Variants in SLC7A6 observed in about 807,000 individuals in gnomAD.
The protein encoded by SLC7A6 is solute carrier family 7 member 6.
SLC7A6 carries 29 observed loss-of-function variants against 46.6 expected under a neutral mutation model. The ratio of observed to expected loss-of-function variants is 0.62; its 90% confidence interval spans 0.46 to 0.85. SLC7A6 has a LOEUF of 0.85. Ranked by LOEUF, SLC7A6 falls within the 40% of genes least tolerant of loss-of-function variation. SLC7A6 has a pLI of 0.00. For synonymous variants in SLC7A6, 276 were observed against 257.3 expected (o/e 1.07, Z -0.70); for missense variants, 527 against 647.6 (o/e 0.81, Z 2.02).
Position 68,296,521 on chromosome 16 carries a change from G to A in SLC7A6, c.1269+8G>A, listed in dbSNP as rs1337418595. The A allele has an allele frequency of 6.2e-7, 1 of 1,614,202 alleles. No homozygotes were observed. The highest frequency in any genetic ancestry group is 8.5e-7 in the Non-Finnish European group (1 of 1,180,040). ...CGGCCCCGGCCTCTCAAGGTCAGCA[G>A]CTCTGGCCAGACTAGGAGGGGTGGG... On this transcript the variant is annotated splice_region_variant and intron_variant, in intron 9 of 10. Coordinates refer to ENST00000219343, the MANE Select transcript of SLC7A6 (RefSeq NM_003983.6).
At chr16:68,294,422 T>A (rs2043120881) in intron 7 of SLC7A6, among the ~76,000 whole-genome samples, 1 of 152,016 alleles carries the variant, frequency 6.6e-6, no homozygotes, top group South Asian at 2.1e-4. Context: ...TGTTGGATGT[T>A]GGTGAGGTAT....
Position 68,287,359 on chromosome 16 carries a change from C to A in SLC7A6, c.524-387C>A, listed in dbSNP as rs1166001324. 8 of 1,292,192 alleles carry A rather than the reference C, an allele frequency of 6.2e-6. No individual in the cohort carries two copies. In the South Asian group the frequency reaches 9.9e-5, roughly 16 times the overall value. The allele number at this position is 1,292,192 out of a possible 1,614,324, so 80.0% of individuals were successfully genotyped here. A position where few individuals can be genotyped will look rare whatever the true frequency, so the allele number is the denominator to read the frequency against. On this transcript the variant is annotated intron_variant, in intron 3 of 10. Coordinates refer to ENST00000219343, the MANE Select transcript of SLC7A6 (RefSeq NM_003983.6). ...TCTGCATTCAAATTTACCTCACTTA[C>A]TGATGAGTTTCTTTTGGCCATGAAG...
At chr16:68,290,932 C>T in intron 5 of SLC7A6, 1 of 497,282 alleles carries the variant, frequency 2.0e-6, no homozygotes, top group Non-Finnish European at 3.6e-6. Context: ...TTGCACTGTT[C>T]CTCTGAGATC....
chr16:68,291,221 G>A lies in SLC7A6; in HGVS notation c.807G>A (p.Leu269=). 1.2e-6 allele frequency: 2 copies of A among 1,614,206 alleles called. No individual in the cohort carries two copies. The highest frequency in any genetic ancestry group is 3.3e-4 in the Middle Eastern group (2 of 6,060). The stretch of plus-strand genomic sequence containing the variant: ...CTTGTCCTGACAGAAATTTGCCCTT[G>A]GCCATTGGGATTTCTATGCCAATTG... ...EIKNPERNLP[L]AIGISMPIVT... The change falls in exon 6 of 11, where the codon TTG becomes TTA. Residue 269 remains leucine (L), a synonymous_variant. Transcript: ENST00000219343.
chr16:68,291,114 T>C (rs922738385), intron 5 of SLC7A6, 95 bp from the exon 6 acceptor site: 37 of 1,528,438 alleles, frequency 2.4e-5, no homozygotes, highest in Non-Finnish European at 3.3e-5. Context: ...GCTAGTGAAC[T>C]GTTAAATGTT....
rs781456783 is a variant in SLC7A6, at chr16:68,294,729, G to C, written c.1047G>C (p.Glu349Asp). Residue 349 changes from glutamate (E) to aspartate (D), a missense_variant, in exon 8 of 11, where the codon GAG becomes GAC. Coordinates refer to ENST00000219343, the MANE Select transcript of SLC7A6 (RefSeq NM_003983.6). ...SSRLFFVGSR[E>D]GHLPDLLSMI... ...GGTTGTTCTTCGTGGGCTCCCGGGAGGGCCACCTACCGGACCTTCTGTCCA... is the reference window on the plus strand; with the variant it reads ...GGTTGTTCTTCGTGGGCTCCCGGGACGGCCACCTACCGGACCTTCTGTCCA... The C allele has an allele frequency of 2.5e-6, 4 of 1,613,886 alleles. No individual in the cohort carries two copies. Among genetic ancestry groups the C allele is most frequent in the Non-Finnish European group, 2.5e-6 (3 of 1,179,814 alleles).
rs990157612 is a variant in SLC7A6 at position 68,298,423 on chromosome 16, G to C, written c.*1095G>C. Reference sequence around the variant, plus strand: ...TGCAGACCCAAGCAATCCCAACCTGGTGCTAGGTCATTTCACTTTTCTGAA... The same window carrying C: ...TGCAGACCCAAGCAATCCCAACCTGCTGCTAGGTCATTTCACTTTTCTGAA... On this transcript the variant is annotated 3_prime_UTR_variant, in exon 11 of 11. Coordinates refer to ENST00000219343, the MANE Select transcript of SLC7A6 (RefSeq NM_003983.6). 1.3e-5 allele frequency: 2 copies of C among 152,422 alleles called. No individual in the cohort carries two copies. The highest frequency in any genetic ancestry group is 1.3e-4 in the Admixed American group (2 of 15,282). 9.4% of individuals were successfully genotyped at this position (152,422 alleles called of 1,614,324 possible). A position where few individuals can be genotyped will look rare whatever the true frequency, so the allele number is the denominator to read the frequency against.
rs567237046 is a variant in SLC7A6, at chr16:68,275,309, C to T, written c.523+60C>T. The T allele has an allele frequency of 1.3e-5, 20 of 1,561,988 alleles. No individual in the cohort carries two copies. In the East Asian group the frequency reaches 3.5e-4, roughly 27 times the overall value. On this transcript the variant is annotated intron_variant, in intron 3 of 10. Transcript: ENST00000219343. Reference sequence around the variant, plus strand: ...GGTGGGGGGTACTATAATAACGGTACTTTAGGCCGGGCGCGGTGGCTCATG... The same window carrying T: ...GGTGGGGGGTACTATAATAACGGTATTTTAGGCCGGGCGCGGTGGCTCATG...
intron 2 of SLC7A6, among the ~76,000 whole-genome samples, chr16:68,270,781 T>C (rs2042610660): frequency 6.6e-6 from 1 of 152,106 alleles, no homozygotes; most frequent in African/African-American, 2.4e-5. Context: ...CAAGAAAAAT[T>C]GTTGTTTGTC....
intron 3 of SLC7A6, chr16:68,284,754 A>G (rs1381942170): frequency 2.1e-6 from 1 of 487,098 alleles, no homozygotes; most frequent in Non-Finnish European, 2.7e-6. Context: ...CTCTTTCTCC[A>G]TGTTTATTTC....
intron 2 of SLC7A6, among the ~76,000 whole-genome samples, chr16:68,267,708 G>A (rs111738192): frequency 9.2e-5 from 14 of 152,270 alleles, no homozygotes; most frequent in African/African-American, 3.4e-4. Context: ...ATGTCTTTTT[G>A]TATGCTGATG....
In SLC7A6 at chr16:68,294,745, C is replaced by T; in HGVS notation, c.1063C>T (p.Leu355Phe). 6.2e-7 allele frequency: 1 copy of T among 1,614,084 alleles called. No homozygotes were observed. The highest frequency in any genetic ancestry group is 8.5e-7 in the Non-Finnish European group (1 of 1,179,966). The change falls in exon 8 of 11, where the codon CTT becomes TTT. Residue 355 changes from leucine to phenylalanine, a missense_variant. Leu to Phe is a conservative substitution (Grantham distance 22). Transcript: ENST00000219343. The part of the protein sequence containing the change: ...VGSREGHLPD[L>F]LSMIHIERFT... ...CTCCCGGGAGGGCCACCTACCGGAC[C>T]TTCTGTCCATGATCCACATTGAGCG... is the stretch of plus-strand genomic sequence containing the variant.
In SLC7A6 at chr16:68,300,771, G is replaced by A. The variant is rs2043256069; in HGVS notation, c.*3443G>A. 2.0e-6 allele frequency: 2 copies of A among 985,392 alleles called. No individual in the cohort carries two copies. The highest frequency in any genetic ancestry group is 9.4e-5 in the South Asian group (2 of 21,296). 61.0% of individuals were successfully genotyped at this position (985,392 alleles called of 1,614,324 possible). Reference sequence around the variant, plus strand: ...GTTAACTAAAATCTCCCACTGCTCAGACTACTTTCTGCCCTAATGGCCATT... The same window carrying A: ...GTTAACTAAAATCTCCCACTGCTCAAACTACTTTCTGCCCTAATGGCCATT... On this transcript the variant is annotated 3_prime_UTR_variant, in exon 11 of 11. Transcript: ENST00000219343.
rs946138832 is a variant in SLC7A6, at chr16:68,277,609, C to A, written c.523+2360C>A. On this transcript the variant is annotated intron_variant, in intron 3 of 10. Transcript: ENST00000219343. ...TACAGGTGTGAGCCACGGCGCCCGG[C>A]CTTGTATTATTTTTTAATTAAAAAA... Among the ~76,000 whole-genome samples, 11 of 151,586 alleles carry A rather than the reference C, an allele frequency of 7.3e-5. 1 individual carries two copies. Among genetic ancestry groups the A allele is most frequent in the Non-Finnish European group, 2.9e-5 (2 of 67,942 alleles).
chr16:68,286,548 G>A (rs2042938639), intron 3 of SLC7A6, among the ~76,000 whole-genome samples: 1 of 152,146 alleles, frequency 6.6e-6, no homozygotes, highest in East Asian at 1.9e-4. Flanking sequence ...GATTTGAGGT[G>A]CACATAAAAG....
intron 3 of SLC7A6, among the ~76,000 whole-genome samples, chr16:68,280,887 C>T (rs1287867499): frequency 6.6e-6 from 1 of 152,216 alleles, no homozygotes; most frequent in Non-Finnish European, 1.5e-5. Flanking sequence ...GTGCCTGCCA[C>T]CACGCCTGGC....
chr16:68,277,813 G>A (rs954988705), intron 3 of SLC7A6, among the ~76,000 whole-genome samples: 11 of 151,098 alleles, frequency 7.3e-5, no homozygotes, highest in Non-Finnish European at 1.6e-4. Context: ...TTTTAGTAGA[G>A]ACAGGGTTTC....
chr16:68,270,327 C>G (rs1221979865), intron 2 of SLC7A6, among the ~76,000 whole-genome samples: 1 of 151,990 alleles, frequency 6.6e-6, no homozygotes, highest in East Asian at 1.9e-4. Flanking sequence ...TACCCCTCCT[C>G]CAGGCATAGA....
intron 8 of SLC7A6, among the ~76,000 whole-genome samples, chr16:68,295,436 A>G (rs776347498): frequency 1.3e-5 from 2 of 152,186 alleles, no homozygotes; most frequent in Non-Finnish European, 2.9e-5. Flanking sequence ...ATCTGACTAT[A>G]GGCACACACC....
Sources: allele counts gnomAD v4.1 joint callset (sites outside exome capture counted in the v4.1 genomes callset), GRCh38; gene constraint gnomAD v4.1.1; transcripts MANE v1.5; gene names NCBI Gene and HGNC (gene_info 2026-07-23, HGNC 2026-07-21).